RARB: variants seen among roughly 807,000 people sequenced by gnomAD.
RARB encodes the protein retinoic acid receptor beta.
A neutral mutation model predicts 51.9 loss-of-function variants in RARB; 17 were observed. The observed-to-expected ratio is 0.33, with a 90% CI of 0.22 to 0.49. The LOEUF (loss-of-function observed/expected upper bound fraction) is 0.49. Ranked by LOEUF, RARB falls within the 20% of genes least tolerant of loss-of-function variation. The pLI is 0.99. For synonymous variants in RARB, 215 were observed against 195.4 expected, an observed-to-expected ratio of 1.10 and a Z score of -0.84; for missense variants, 369 against 550.8, an observed-to-expected ratio of 0.67 and a Z score of 3.30.
chr3:24,928,310 G>C lies in RARB; in HGVS notation c.-380+69558G>C, dbSNP rs535158851. ...CACATGCCTTTTGTACCAAAAGTGTGATTCATCTATTGTGTACCAAAATTG... is the reference window on the plus strand; with the variant it reads ...CACATGCCTTTTGTACCAAAAGTGTCATTCATCTATTGTGTACCAAAATTG... On this transcript the variant is annotated intron_variant, in intron 2 of 11. Coordinates refer to the RARB transcript ENST00000383772. 3.9e-5 allele frequency among the ~76,000 whole-genome samples: 6 copies of C among 151,952 alleles called. No homozygotes were observed. The South Asian group carries it at 1.3e-3, about 32-fold the overall frequency.
chr3:25,566,953 G>T (rs926091499), intron 3 of RARB, among the ~76,000 whole-genome samples: 1 of 152,148 alleles, frequency 6.6e-6, no homozygotes, highest in Admixed American at 6.5e-5. Context: ...TGGGGATTTC[G>T]CGAGCTAGGA....
Position 25,163,316 on chromosome 3 carries a change from C to A in RARB, c.-279-10803C>A, listed in dbSNP as rs189655408. On this transcript the variant is annotated intron_variant, in intron 4 of 11. Coordinates refer to the RARB transcript ENST00000383772. ...TCTAGGAGTTTGAGACCAGCCTGGG[C>A]AACATAGGGAAACCCTGTCTCTACA... Among the ~76,000 whole-genome samples, 302 of 151,952 alleles carry A rather than the reference C, an allele frequency of 2.0e-3. 1 individual carries two copies. Among genetic ancestry groups the A allele is most frequent in the Admixed American group, 2.7e-3 (41 of 15,274 alleles).
rs572364306 is a variant in RARB at position 25,487,569 on chromosome 3, G to A, written c.307-13613G>A. On this transcript the variant is annotated intron_variant, in intron 2 of 7. Transcript: ENST00000330688. Reference sequence around the variant, plus strand: ...CCCCATTAAGATAACAAGATGAGAGGCAATGATTCAGATCAGTATATTTTT... The same window carrying A: ...CCCCATTAAGATAACAAGATGAGAGACAATGATTCAGATCAGTATATTTTT... Among the ~76,000 whole-genome samples, 9 of 151,702 alleles carry A rather than the reference G, an allele frequency of 5.9e-5. No individual in the cohort carries two copies. The East Asian group carries it at 1.7e-3, about 29-fold the overall frequency.
chr3:24,943,377 G>A (rs529856699), intron 2 of RARB, among the ~76,000 whole-genome samples: 12 of 152,172 alleles, frequency 7.9e-5, no homozygotes, highest in African/African-American at 2.9e-4. Flanking sequence ...TGGAATTTGC[G>A]TGCCTAATTC....
intron 5 of RARB, among the ~76,000 whole-genome samples, chr3:25,211,474 A>G (rs1349988199): frequency 6.6e-6 from 1 of 152,260 alleles, no homozygotes; most frequent in African/African-American, 2.4e-5. Flanking sequence ...TTGCAAAAGC[A>G]TTATAGTCCT....
At chr3:25,438,336 C>T (rs893492495) in intron 1 of RARB, among the ~76,000 whole-genome samples, 1 of 151,078 alleles carries the variant, frequency 6.6e-6, no homozygotes, top group African/African-American at 2.4e-5. Context: ...AGCCCAGATT[C>T]AATAACTACC....
upstream of RARB, among the ~76,000 whole-genome samples, chr3:25,423,790 A>G (rs1018130404): frequency 2.0e-5 from 3 of 152,244 alleles, no homozygotes; most frequent in African/African-American, 7.2e-5. Flanking sequence ...TGAAATAGCC[A>G]AAGATAGGTC....
chr3:24,934,360 G>T (rs1695505117), intron 2 of RARB, among the ~76,000 whole-genome samples: 1 of 152,094 alleles, frequency 6.6e-6, no homozygotes, highest in Non-Finnish European at 1.5e-5. Flanking sequence ...TATTCTGGCA[G>T]GTTTTTCTGG....
At chr3:25,222,735 C>G (rs1222015014) in intron 5 of RARB, among the ~76,000 whole-genome samples, 1 of 152,110 alleles carries the variant, frequency 6.6e-6, no homozygotes, top group Non-Finnish European at 1.5e-5. Context: ...ATGCTAAGAA[C>G]TTGATGGACT....
intron 5 of RARB, among the ~76,000 whole-genome samples, chr3:25,359,369 T>G (rs1286485910): frequency 2.0e-5 from 3 of 148,330 alleles, no homozygotes; most frequent in African/African-American, 7.3e-5. Context: ...ATTCTTCTCT[T>G]TTTATTAGTC....
intron 2 of RARB, among the ~76,000 whole-genome samples, chr3:25,466,621 A>T (rs955835831): frequency 1.3e-5 from 2 of 152,190 alleles, no homozygotes; most frequent in African/African-American, 4.8e-5. Context: ...CTATCAAAAT[A>T]ACACTGCCTC....
intron 3 of RARB, among the ~76,000 whole-genome samples, chr3:25,526,051 A>T (rs1351015381): frequency 6.6e-6 from 1 of 152,228 alleles, no homozygotes; most frequent in African/African-American, 2.4e-5. Flanking sequence ...TTAACAATCA[A>T]GCTGTGATAG....
Position 25,152,174 on chromosome 3 carries a change from A to G in RARB, c.-280+19966A>G, listed in dbSNP as rs147062551. ...GAAATCATATCTCCCGTTGAAGTTT[A>G]TAAAGTGAAATAGTTTAAATACTCT... On this transcript the variant is annotated intron_variant, in intron 4 of 11. Transcript: ENST00000383772. Among the ~76,000 whole-genome samples the G allele has an allele frequency of 2.7e-3, 404 of 152,332 alleles. 1 individual carries two copies. Among genetic ancestry groups the G allele is most frequent in the African/African-American group, 9.5e-3 (393 of 41,578 alleles).
chr3:25,024,783 T>C (rs9842381), intron 2 of RARB, among the ~76,000 whole-genome samples: 14,463 of 151,606 alleles, frequency 0.095, 894 homozygotes, highest in East Asian at 0.27. Flanking sequence ...TGAAACCCTG[T>C]CTCTACTAAA....
In RARB at chr3:25,428,448, C is replaced by CA; in HGVS notation, c.-282dup. On this transcript the variant is annotated 5_prime_UTR_variant, in exon 1 of 8. Coordinates refer to ENST00000330688, the MANE Select transcript of RARB (RefSeq NM_000965.5). ...CGGAACGCATTCGGAAGGCTTTTTG[C>CA]AAGCATTTACTTGGAAGGAGAACTT... is the stretch of plus-strand genomic sequence containing the variant. 1.6e-6 allele frequency: 2 copies of CA among 1,262,276 alleles called. No homozygotes were observed. The highest frequency in any genetic ancestry group is 2.0e-6 in the Non-Finnish European group (2 of 1,005,430). 78.2% of individuals were successfully genotyped at this position (1,262,276 alleles called of 1,614,324 possible).
intron 2 of RARB, among the ~76,000 whole-genome samples, chr3:25,031,131 A>G (rs1313237508): frequency 1.3e-5 from 2 of 152,172 alleles, no homozygotes; most frequent in Non-Finnish European, 2.9e-5. Context: ...TCAACTCACT[A>G]GGTGCCACTA....
chr3:25,254,653 C>T (rs1460387736), intron 5 of RARB, among the ~76,000 whole-genome samples: 1 of 151,836 alleles, frequency 6.6e-6, no homozygotes, highest in African/African-American at 2.4e-5. Context: ...CAAGGCAAGG[C>T]CTTGTGGGTG....
intron 4 of RARB, among the ~76,000 whole-genome samples, chr3:25,163,556 C>T (rs1435951975): frequency 5.8e-5 from 8 of 137,272 alleles, no homozygotes; most frequent in Non-Finnish European, 1.3e-4. Flanking sequence ...TTTGGTCTTG[C>T]CTTCCTTATG....
intron 1 of RARB, among the ~76,000 whole-genome samples, chr3:24,836,228 G>A (rs1245013210): frequency 6.6e-6 from 1 of 152,186 alleles, no homozygotes; most frequent in African/African-American, 2.4e-5. Flanking sequence ...TGTGAATGGA[G>A]GCAATTGGAA....
Sources: allele counts gnomAD v4.1 joint callset (sites outside exome capture counted in the v4.1 genomes callset), GRCh38; gene constraint gnomAD v4.1.1; transcripts MANE v1.5; gene names NCBI Gene and HGNC (gene_info 2026-07-23, HGNC 2026-07-21).